Variants in PRELID2 observed in about 807,000 individuals in gnomAD.
PRELID2 encodes PRELI domain-containing protein 2.
In PRELID2, 25 loss-of-function variants were observed where a neutral mutation model predicts 28.4. The observed-to-expected ratio is 0.88, with a 90% CI of 0.64 to 1.23. PRELID2 has a LOEUF of 1.23. Ranked by LOEUF, PRELID2 falls within the 50% of genes most tolerant of loss-of-function variation. The pLI is 0.00. For missense variants in PRELID2, 201 were observed against 214.4 expected (o/e 0.94, Z 0.39); for synonymous variants, 76 against 71.6 (o/e 1.06, Z -0.31).
intron 5 of PRELID2, among the ~76,000 whole-genome samples, chr5:145,788,304 C>T (rs772612504): frequency 5.4e-4 from 82 of 152,338 alleles, no homozygotes; most frequent in Non-Finnish European, 9.6e-4. Context: ...CATATTTTAG[C>T]ATGACTTGAG....
intron 5 of PRELID2, among the ~76,000 whole-genome samples, chr5:145,793,537 C>A (rs1415341939): frequency 1.3e-5 from 2 of 152,042 alleles, no homozygotes; most frequent in Non-Finnish European, 1.5e-5. Flanking sequence ...TAAATGGCTC[C>A]TAAAATCAAA....
At chr5:145,452,194 G>A in the PRELID2 span, among the ~76,000 whole-genome samples, 2 of 151,900 alleles carry the variant, frequency 1.3e-5, no homozygotes, top group South Asian at 4.2e-4. Context: ...TTCTCTAAAA[G>A]GCCCACATGA....
chr5:145,278,648 C>T, the PRELID2 span, among the ~76,000 whole-genome samples: 3 of 152,140 alleles, frequency 2.0e-5, no homozygotes, highest in African/African-American at 7.2e-5. Flanking sequence ...CACGCTGTTA[C>T]ACTTGCCATA....
At chr5:145,748,910 C>T (rs1284923641) in intron 1 of PRELID2, among the ~76,000 whole-genome samples, 5 of 152,122 alleles carry the variant, frequency 3.3e-5, no homozygotes, top group Admixed American at 3.3e-4. Flanking sequence ...GCTAGGAAAA[C>T]TGGCTAGCCA....
Position 145,507,804 on chromosome 5 carries a change from C to G in PRELID2, n.71-34489G>C, listed in dbSNP as rs148798834. ...AAATTCTGTTTTGGAGACATGGAGCCAGATGGAGTCCTTTTATTGCTCATC... is the reference window on the plus strand; with the variant it reads ...AAATTCTGTTTTGGAGACATGGAGCGAGATGGAGTCCTTTTATTGCTCATC... On this transcript the variant is annotated intron_variant and non_coding_transcript_variant, in intron 1 of 2. Transcript: ENST00000510259. 2.3e-3 allele frequency among the ~76,000 whole-genome samples: 356 copies of G among 152,296 alleles called. 1 individual carries two copies. The highest frequency in any genetic ancestry group is 8.0e-3 in the African/African-American group (334 of 41,574).
the PRELID2 span, among the ~76,000 whole-genome samples, chr5:145,404,923 G>C: frequency 6.6e-6 from 1 of 152,160 alleles, no homozygotes; most frequent in Non-Finnish European, 1.5e-5. Context: ...GGGGGATACA[G>C]AGTGAAGGCA....
chr5:145,801,267 C>A (rs1307999925), intron 4 of PRELID2, among the ~76,000 whole-genome samples: 3 of 152,172 alleles, frequency 2.0e-5, no homozygotes, highest in African/African-American at 7.2e-5. Flanking sequence ...TACCTGCTAA[C>A]TTCTGGCTTG....
At chr5:145,434,341 C>T in the PRELID2 span, among the ~76,000 whole-genome samples, 5 of 152,174 alleles carry the variant, frequency 3.3e-5, no homozygotes, top group Non-Finnish European at 7.3e-5. Flanking sequence ...TTGAACAGAA[C>T]ACTTGGGACA....
At chr5:145,610,494 A>G (rs1016874548) in intron 1 of PRELID2, among the ~76,000 whole-genome samples, 1 of 152,172 alleles carries the variant, frequency 6.6e-6, no homozygotes, top group Non-Finnish European at 1.5e-5. Context: ...CAAAATAAGT[A>G]TGTAGAACAC....
chr5:145,397,269 A>G, the PRELID2 span, among the ~76,000 whole-genome samples: 1 of 152,174 alleles, frequency 6.6e-6, no homozygotes, highest in Non-Finnish European at 1.5e-5. Flanking sequence ...AGGTAGAATT[A>G]GGGATATCAG....
chr5:145,817,236 T>TATATATATAC (rs1358205146), intron 4 of PRELID2, among the ~76,000 whole-genome samples: 2 of 128,192 alleles, frequency 1.6e-5, no homozygotes, highest in Non-Finnish European at 3.5e-5. Context: ...TATATATATA[T>TATATATATAC]ACTTTAGATA....
At chr5:145,833,031 C>T (rs1185416997) in intron 1 of PRELID2, among the ~76,000 whole-genome samples, 3 of 152,152 alleles carry the variant, frequency 2.0e-5, no homozygotes. Context: ...CACTACACAC[C>T]ATCAGTTCCA....
intron 1 of PRELID2, among the ~76,000 whole-genome samples, chr5:145,649,304 C>T (rs561036480): frequency 2.0e-5 from 3 of 152,134 alleles, no homozygotes; most frequent in Non-Finnish European, 2.9e-5. Context: ...GGGCGGGATC[C>T]GGAACCAATC....
At chr5:145,655,230 C>T (rs1241238842) in intron 1 of PRELID2, among the ~76,000 whole-genome samples, 1 of 152,126 alleles carries the variant, frequency 6.6e-6, no homozygotes, top group East Asian at 1.9e-4. Context: ...CTACAAACCA[C>T]TGCTCAATGA....
intron 1 of PRELID2, among the ~76,000 whole-genome samples, chr5:145,551,996 G>C (rs557047240): frequency 2.1e-4 from 32 of 152,190 alleles, no homozygotes; most frequent in South Asian, 2.1e-3. Flanking sequence ...TGAAACTGGA[G>C]AGCTCACTGA....
At chr5:145,230,868 G>C in the PRELID2 span, among the ~76,000 whole-genome samples, 4,124 of 152,260 alleles carry the variant, frequency 0.027, 172 homozygotes, top group African/African-American at 0.094. Context: ...GGCTGTTGGT[G>C]GCAGGCCGCA....
At chr5:145,302,593 C>A in the PRELID2 span, among the ~76,000 whole-genome samples, 6 of 151,464 alleles carry the variant, frequency 4.0e-5, no homozygotes, top group African/African-American at 1.2e-4. Context: ...AGCCAATATT[C>A]TTTTTTATTT....
chr5:145,342,881 C>A, the PRELID2 span, among the ~76,000 whole-genome samples: 3 of 131,446 alleles, frequency 2.3e-5, no homozygotes, highest in South Asian at 2.7e-4. Context: ...ATCAGATAAA[C>A]CAACTTTAAG....
intron 1 of PRELID2, among the ~76,000 whole-genome samples, chr5:145,629,846 G>C (rs1753908115): frequency 6.7e-6 from 1 of 148,554 alleles, no homozygotes; most frequent in South Asian, 2.1e-4. Context: ...TATACCCTTT[G>C]AAATGAAAAC....
Sources: gnomAD v4.1 joint callset for allele counts (sites outside exome capture counted in the v4.1 genomes callset) on GRCh38, gnomAD v4.1.1 for gene constraint, MANE v1.5 for transcripts, NCBI Gene and HGNC (gene_info 2026-07-23, HGNC 2026-07-21) for gene names.